FAT1: variants seen among roughly 807,000 people sequenced by gnomAD.
The protein encoded by FAT1 is FAT atypical cadherin 1, also known as protocadherin Fat 1.
In FAT1, 171 loss-of-function variants were observed where a neutral mutation model predicts 329.8. The ratio of observed to expected loss-of-function variants is 0.52; its 90% CI spans 0.46 to 0.59. FAT1 has a LOEUF of 0.59. Ranked by LOEUF, FAT1 falls within the 20% of genes least tolerant of loss-of-function variation. FAT1 has a pLI of 0.00. For missense variants in FAT1, 5,672 were observed against 5,774.4 expected, an observed-to-expected ratio of 0.98 and a Z score of 0.57; for synonymous variants, 2,233 against 2,228.6, an observed-to-expected ratio of 1.00 and a Z score of -0.06.
At chr4:186,589,337 A>C in intron 26 of FAT1, 117 bp from the exon 27 acceptor site, 1 of 1,141,242 alleles carries the variant, frequency 8.8e-7, no homozygotes, top group Non-Finnish European at 1.2e-6. Flanking sequence ...CTTCATTCAA[A>C]GTTCACCACT....
At position 186,618,267 on chromosome 4, in the gene FAT1, C is replaced by A. The variant is rs1315461382; in HGVS notation, c.8319G>T (p.Trp2773Cys). 6.2e-7 allele frequency: 1 copy of A among 1,613,920 alleles called. No individual in the cohort carries two copies. Among genetic ancestry groups the A allele is most frequent in the Non-Finnish European group, 8.5e-7 (1 of 1,179,912 alleles). ...ACCTGGCCAGTATGGAAAACTGATACCACTTAGTTGTCTCATGATCAAGAC... is the reference window on the plus strand; with the variant it reads ...ACCTGGCCAGTATGGAAAACTGATAACACTTAGTTGTCTCATGATCAAGAC... ...EKSLDHETTK[W>C]YQFSILARCT... Residue 2773 changes from tryptophan (W) to cysteine (C), a missense_variant, in exon 10 of 27, where the codon TGG (tryptophan) becomes TGT (cysteine). Trp to Cys is a radical substitution (Grantham distance 215). Around this residue, in one of 2 missense-constraint regions of FAT1, gnomAD observed 3,966 missense variants for 3,915.2 expected, o/e 1.01. Coordinates refer to ENST00000441802, the MANE Select transcript of FAT1 (RefSeq NM_005245.4).
At chr4:186,651,787 C>A (rs560296933) in intron 3 of FAT1, among the ~76,000 whole-genome samples, 4 of 152,240 alleles carry the variant, frequency 2.6e-5, no homozygotes, top group Non-Finnish European at 4.4e-5. Flanking sequence ...GAGCTCTGGA[C>A]TGTGAGCTCG....
chr4:186,598,223 T>A, intron 22 of FAT1, 98 bp from the exon 23 acceptor site: 1 of 1,159,660 alleles, frequency 8.6e-7, no homozygotes, highest in Non-Finnish European at 1.2e-6. Flanking sequence ...CCGAGGTCTG[T>A]AAAAGCTCGT....
At chr4:186,595,609 A>T in intron 26 of FAT1, 80 bp downstream of exon 26, 1 of 1,500,218 alleles carries the variant, frequency 6.7e-7, no homozygotes. Flanking sequence ...TTAAGGGTAG[A>T]TAGTGCGTCT....
Position 186,609,814 on chromosome 4 carries a change from T to C in FAT1, c.10055A>G (p.Gln3352Arg), listed in dbSNP as rs777054107. Residue 3352 changes from glutamine (Q) to arginine (R), a missense_variant, in exon 15 of 27, where the codon CAG (glutamine) becomes CGG (arginine). By Grantham distance (43) the Gln-to-Arg change is conservative. Coordinates refer to ENST00000441802, the MANE Select transcript of FAT1 (RefSeq NM_005245.4). ...TVISEDAVLE[Q>R]SVITVMADDA... Reference sequence around the variant, plus strand: ...AAAAATACACACCGTGATGACAGACTGCTCAAGAACGGCATCTTCACTGAT... The same window carrying C: ...AAAAATACACACCGTGATGACAGACCGCTCAAGAACGGCATCTTCACTGAT... 5.6e-6 allele frequency: 9 copies of C among 1,612,036 alleles called. No homozygotes were observed. In the Admixed American group the frequency reaches 1.3e-4, roughly 24 times the overall value.
intron 26 of FAT1, among the ~76,000 whole-genome samples, chr4:186,594,312 T>C (rs566383342): frequency 0.026 from 4,005 of 151,934 alleles, 102 homozygotes; most frequent in African/African-American, 0.066. Flanking sequence ...CCGCCCGCCT[T>C]CACCTCCCAA....
Position 186,602,910 on chromosome 4 carries a change from C to A in FAT1, c.11475G>T (p.Gln3825His). 1.2e-6 allele frequency: 2 copies of A among 1,613,852 alleles called. No individual in the cohort carries two copies. Among genetic ancestry groups the A allele is most frequent in the South Asian group, 1.1e-5 (1 of 91,070 alleles). The change falls in exon 20 of 27, where the codon CAG (glutamine) becomes CAT (histidine). Residue 3825 changes from glutamine to histidine, a missense_variant. Gln to His is a conservative substitution (Grantham distance 24, BLOSUM62 0). Transcript: ENST00000441802. ...TCVCPSGRFG[Q>H]CPGSSSMTLT... ...CAACCATTCAACTCTCACCTGGGCA[C>A]TGACCAAACCTGCCGCTGGGACAGA...
rs1480751037 is a variant in FAT1 at position 186,620,193 on chromosome 4, G to T, written c.6393C>A (p.Pro2131=). Residue 2131 remains proline (P), a synonymous_variant, in exon 10 of 27, where the codon CCC becomes CCA. Coordinates refer to ENST00000441802, the MANE Select transcript of FAT1 (RefSeq NM_005245.4). Reference sequence around the variant, plus strand: ...GCTTTTTCAGTGAAATTTCACCCAAGGGTCCAATTTGAAAGTGTTCATGAT... The same window carrying T: ...GCTTTTTCAGTGAAATTTCACCCAATGGTCCAATTTGAAAGTGTTCATGAT... ...KEHHEHFQIG[P]LGEISLKKQF... 1.2e-6 allele frequency: 2 copies of T among 1,613,984 alleles called. No individual in the cohort carries two copies. Among genetic ancestry groups the T allele is most frequent in the South Asian group, 1.1e-5 (1 of 91,074 alleles).
chr4:186,639,226 A>G (rs1579369655), intron 4 of FAT1, among the ~76,000 whole-genome samples: 1 of 152,356 alleles, frequency 6.6e-6, no homozygotes, highest in East Asian at 1.9e-4. Flanking sequence ...AAACTAAGTA[A>G]TTCATAGTTT....
rs201078304 is a variant in FAT1 at position 186,709,672 on chromosome 4, A to G, written c.156T>C (p.Tyr52=). ...TVQENSAAKT[Y]VGHPVKMGVY... ...CACCCATCTTGACAGGATGCCCCAC[A>G]TAAGTCTTAGCTGCAGAGTTCTCCT... is the stretch of plus-strand genomic sequence containing the variant. Residue 52 remains tyrosine (Y), a synonymous_variant, in exon 2 of 27, where the codon TAT becomes TAC. Coordinates refer to ENST00000441802, the MANE Select transcript of FAT1 (RefSeq NM_005245.4). 4.4e-5 allele frequency: 71 copies of G among 1,613,846 alleles called. No homozygotes were observed. The highest frequency in any genetic ancestry group is 5.3e-5 in the Non-Finnish European group (63 of 1,179,880).
chr4:186,708,191 G>C lies in FAT1; in HGVS notation c.1637C>G (p.Pro546Arg), dbSNP rs1373737710. The C allele has an allele frequency of 6.2e-7, 1 of 1,613,918 alleles. No individual in the cohort carries two copies. The highest frequency in any genetic ancestry group is 2.2e-5 in the East Asian group (1 of 44,880). The change falls in exon 2 of 27, where the codon CCG (proline) becomes CGG (arginine). Residue 546 changes from proline to arginine, a missense_variant. Around this residue, in one of 2 missense-constraint regions of FAT1, gnomAD observed 3,966 missense variants for 3,915.2 expected, o/e 1.01. Coordinates refer to ENST00000441802, the MANE Select transcript of FAT1 (RefSeq NM_005245.4). ...LRIRASDWGL[P>R]YRREVEVLAT... Reference sequence around the variant, plus strand: ...AAGGACTTCGACTTCCCGGCGGTACGGCAAGCCCCAGTCTGATGCACGAAT... The same window carrying C: ...AAGGACTTCGACTTCCCGGCGGTACCGCAAGCCCCAGTCTGATGCACGAAT...
At chr4:186,648,767 T>A (rs137896213) in intron 3 of FAT1, among the ~76,000 whole-genome samples, 2,605 of 152,240 alleles carry the variant, frequency 0.017, 24 homozygotes, top group Non-Finnish European at 0.025. Flanking sequence ...CAACCCCCCT[T>A]CTTCCCGCTC....
At chr4:186,678,035 T>C (rs1198270181) in intron 2 of FAT1, among the ~76,000 whole-genome samples, 1 of 152,230 alleles carries the variant, frequency 6.6e-6, no homozygotes, top group African/African-American at 2.4e-5. Context: ...TTAAGAGAGC[T>C]GTTCTTTAAC....
rs566036122 is a variant in FAT1 at position 186,612,045 on chromosome 4, G to A, written c.9464-270C>T. ...AGGCTGGTCTTGAACTCCTGACCTC[G>A]TGATCCACCCGCCTCGGCCTCCCAA... On this transcript the variant is annotated intron_variant, in intron 13 of 26. Transcript: ENST00000441802. Among the ~76,000 whole-genome samples the A allele has an allele frequency of 7.0e-4, 105 of 150,892 alleles. No homozygotes were observed. In the South Asian group the frequency reaches 0.02, roughly 29 times the overall value.
intron 6 of FAT1, among the ~76,000 whole-genome samples, chr4:186,634,233 C>A (rs328420): frequency 0.074 from 11,242 of 152,066 alleles, 610 homozygotes; most frequent in African/African-American, 0.15. Flanking sequence ...AATAAAATAG[C>A]TATTAAAAAT....
chr4:186,621,094 G>A lies in FAT1; in HGVS notation c.5492C>T (p.Thr1831Ile), dbSNP rs1447936238. 1.2e-6 allele frequency: 2 copies of A among 1,613,502 alleles called. No individual in the cohort carries two copies. Among genetic ancestry groups the A allele is most frequent in the Admixed American group, 1.7e-5 (1 of 60,006 alleles). The change falls in exon 10 of 27, where the codon ACA becomes ATA. Residue 1831 changes from threonine (T) to isoleucine (I), a missense_variant. Thr to Ile is a moderately conservative substitution (Grantham distance 89). Around this residue, in one of 2 missense-constraint regions of FAT1, gnomAD observed 3,966 missense variants for 3,915.2 expected, o/e 1.01. Coordinates refer to ENST00000441802, the MANE Select transcript of FAT1 (RefSeq NM_005245.4). ...AIDSSTGAIH[T>I]VLSLDYEETS... Reference sequence around the variant, plus strand: ...TTCTTCATAGTCCAGACTTAGTACTGTATGAATAGCACCAGTGCTAGAATC... The same window carrying A: ...TTCTTCATAGTCCAGACTTAGTACTATATGAATAGCACCAGTGCTAGAATC...
intron 3 of FAT1, among the ~76,000 whole-genome samples, chr4:186,647,668 G>C (rs989387820): frequency 6.6e-6 from 1 of 152,064 alleles, no homozygotes; most frequent in African/African-American, 2.4e-5. Flanking sequence ...TTGACTGCAG[G>C]CACGCACTTC....
At position 186,598,113 on chromosome 4, in the gene FAT1, T is replaced by A. The variant is rs2126403467; in HGVS notation, c.12116A>T (p.Lys4039Ile). The part of the protein sequence containing the change: ...NPSPAGGYYC[K>I]CSALYIGTHC... ...GGTCCCTATGTACAAGGCACTGCAT[T>A]TGCAGTAATAACCTAAATCGGCAAA... The change falls in exon 23 of 27, where the codon AAA becomes ATA. Residue 4039 changes from lysine to isoleucine, a missense_variant. Physicochemically the swap from Lys to Ile is moderately radical, Grantham distance 102 (BLOSUM62 -3). Transcript: ENST00000441802. The A allele has an allele frequency of 1.9e-6, 3 of 1,606,492 alleles. No individual in the cohort carries two copies. The highest frequency in any genetic ancestry group is 2.5e-6 in the Non-Finnish European group (3 of 1,177,986).
intron 3 of FAT1, among the ~76,000 whole-genome samples, chr4:186,654,156 T>C (rs1009900023): frequency 5.3e-5 from 8 of 152,208 alleles, no homozygotes; most frequent in Admixed American, 5.2e-4. Flanking sequence ...CTGGTAGCTC[T>C]GACCTCTGTG....
Sources: gnomAD v4.1 joint callset for allele counts (sites outside exome capture counted in the v4.1 genomes callset) on GRCh38, gnomAD v4.1.1 for gene constraint, gnomAD v4.1.1 regional missense constraint, MANE v1.5 for transcripts, NCBI Gene and HGNC (gene_info 2026-07-23, HGNC 2026-07-21) for gene names.